Variants in TENM1 observed in about 807,000 individuals in gnomAD.
TENM1 encodes the protein teneurin transmembrane protein 1.
TENM1 carries 35 observed loss-of-function variants against 174.8 expected under a neutral mutation model. The observed-to-expected ratio is 0.20, with a 90% CI of 0.15 to 0.27. The LOEUF is 0.27. Ranked by LOEUF, TENM1 falls within the 10% of genes least tolerant of loss-of-function variation. TENM1 has a pLI of 1.00. For synonymous variants in TENM1, 781 were observed against 798.7 expected (o/e 0.98, Z 0.37); for missense variants, 1,633 against 2,130.1 (o/e 0.77, Z 4.59).
At chrX:124,532,618 T>G (rs1261939187) in intron 15 of TENM1, among the ~76,000 whole-genome samples, 1 of 111,988 alleles carries the variant, frequency 8.9e-6, no homozygotes, top group African/African-American at 3.2e-5. Context: ...TTCTTTTCAT[T>G]CATTTCACTC....
At chrX:125,119,957 G>A in the TENM1 span, among the ~76,000 whole-genome samples, 4 of 110,968 alleles carry the variant, frequency 3.6e-5, no homozygotes, top group African/African-American at 9.8e-5. Context: ...ATCCTACGTC[G>A]GTCTTTCTTC....
At chrX:124,586,488 C>G (rs773200041) in intron 11 of TENM1, among the ~76,000 whole-genome samples, 17 of 111,317 alleles carry the variant, frequency 1.5e-4, no homozygotes, top group Admixed American at 3.8e-4. Flanking sequence ...AATTCAACAA[C>G]GCTTCATGCT....
intron 11 of TENM1, among the ~76,000 whole-genome samples, chrX:124,592,871 T>A (rs1216112896): frequency 9.1e-6 from 1 of 110,119 alleles, no homozygotes; most frequent in Admixed American, 9.6e-5. Flanking sequence ...GCTTCTATAG[T>A]TCTATGCACT....
intron 5 of TENM1, among the ~76,000 whole-genome samples, chrX:124,690,661 G>A (rs1191945022): frequency 9.1e-6 from 1 of 110,465 alleles, no homozygotes; most frequent in Non-Finnish European, 1.9e-5. Context: ...CCTCATAAAT[G>A]GTTTCGTGCT....
At chrX:124,729,625 T>C (rs1000756909) in intron 4 of TENM1, among the ~76,000 whole-genome samples, 1 of 112,176 alleles carries the variant, frequency 8.9e-6, no homozygotes, top group Non-Finnish European at 1.9e-5. Context: ...GAGAAGGAGA[T>C]AGCAAGGCTG....
chrX:124,974,492 T>G, the TENM1 span, among the ~76,000 whole-genome samples: 3 of 111,860 alleles, frequency 2.7e-5, no homozygotes, highest in African/African-American at 9.7e-5. Context: ...GTCCATATCC[T>G]CAAGGTGTTT....
intron 18 of TENM1, among the ~76,000 whole-genome samples, chrX:124,519,449 C>T (rs1382583932): frequency 9.0e-6 from 1 of 110,691 alleles, no homozygotes; most frequent in East Asian, 2.8e-4. Flanking sequence ...AATTGACATA[C>T]TATAGTCTAA....
intron 3 of TENM1, among the ~76,000 whole-genome samples, chrX:124,796,953 A>T (rs1441100592): frequency 8.9e-6 from 1 of 111,952 alleles, no homozygotes; most frequent in Non-Finnish European, 1.9e-5. Flanking sequence ...TTTCATGAGA[A>T]TGTCATGGTT....
At chrX:125,038,346 T>C in the TENM1 span, among the ~76,000 whole-genome samples, 42 of 110,666 alleles carry the variant, frequency 3.8e-4, no homozygotes, top group Non-Finnish European at 7.6e-4. Flanking sequence ...GTCAGGTTAC[T>C]TAGCCTGTCT....
intron 4 of TENM1, among the ~76,000 whole-genome samples, chrX:124,736,352 A>G (rs2053670696): frequency 8.9e-6 from 1 of 111,891 alleles, no homozygotes; most frequent in Non-Finnish European, 1.9e-5. Flanking sequence ...AGCTCTGAGG[A>G]GTCAATCTAG....
At chrX:124,881,680 C>A in intron 3 of TENM1, among the ~76,000 whole-genome samples, 1 of 107,635 alleles carries the variant, frequency 9.3e-6, no homozygotes, top group East Asian at 2.9e-4. Flanking sequence ...CTTAACACTG[C>A]TTTTGCTGTA....
At chrX:124,728,156 T>A (rs1333096293) in intron 4 of TENM1, among the ~76,000 whole-genome samples, 1 of 109,673 alleles carries the variant, frequency 9.1e-6, no homozygotes, top group African/African-American at 3.3e-5. Context: ...AAAAAAAAAA[T>A]CAAAGAATAA....
chrX:124,565,556 C>G, exon 12 of TENM1: 1 of 1,177,945 alleles, frequency 8.5e-7, no homozygotes, highest in Non-Finnish European at 1.1e-6. Context: ...CCATGGTACA[C>G]AGCTCTGTGG....
At chrX:124,757,805 C>T (rs1030154332) in intron 3 of TENM1, among the ~76,000 whole-genome samples, 12 of 112,292 alleles carry the variant, frequency 1.1e-4, no homozygotes, top group African/African-American at 3.9e-4. Flanking sequence ...TGGGGAACTT[C>T]TTACACGTAA....
chrX:125,077,009 C>T, the TENM1 span, among the ~76,000 whole-genome samples: 1 of 110,314 alleles, frequency 9.1e-6, no homozygotes, highest in African/African-American at 3.3e-5. Context: ...CTTTCTGCTA[C>T]TTTTTTTCTT....
At chrX:124,599,546 A>T (rs774804902) in intron 11 of TENM1, among the ~76,000 whole-genome samples, 42 of 111,548 alleles carry the variant, frequency 3.8e-4, no homozygotes, top group African/African-American at 1.3e-3. Flanking sequence ...GGTCAAGTGG[A>T]GGAGGAGATC....
chrX:124,596,967 A>G lies in TENM1; in HGVS notation c.2078-31407T>C, dbSNP rs142698747. Among the ~76,000 whole-genome samples the G allele has an allele frequency of 3.3e-4, 37 of 111,703 alleles. No homozygotes were observed. In the East Asian group the frequency reaches 7.3e-3, roughly 22 times the overall value. On this transcript the variant is annotated intron_variant, in intron 11 of 31. Coordinates refer to ENST00000422452, the Ensembl canonical transcript of TENM1. ...AAGGGAAATGCAAATCAAAACCACA[A>G]TGTAATACCACCTTACTCCTGCAAG...
chrX:124,831,841 C>T (rs1038075995), intron 3 of TENM1, among the ~76,000 whole-genome samples: 2 of 111,382 alleles, frequency 1.8e-5, no homozygotes, highest in African/African-American at 3.3e-5. Flanking sequence ...CAGTCAATGA[C>T]TTTCTACCCT....
chrX:125,079,328 T>C, the TENM1 span, among the ~76,000 whole-genome samples: 1 of 112,019 alleles, frequency 8.9e-6, no homozygotes, highest in Non-Finnish European at 1.9e-5. Flanking sequence ...AAGCAAGATA[T>C]CTGAGGATAG....
Sources: allele counts gnomAD v4.1 joint callset (sites outside exome capture counted in the v4.1 genomes callset), GRCh38; gene constraint gnomAD v4.1.1; transcripts MANE v1.5; gene names NCBI Gene and HGNC (gene_info 2026-07-23, HGNC 2026-07-21).